KIAA1217: variants seen among roughly 807,000 people sequenced by gnomAD.
The protein encoded by KIAA1217 is KIAA1217, also known as sickle tail protein homolog.
Under a neutral mutation model 163.9 loss-of-function variants are expected in KIAA1217, and 88 were observed. That is an observed-to-expected ratio of 0.54 (90% CI 0.45 to 0.64). KIAA1217 has a LOEUF of 0.64. KIAA1217 is among the 30% of genes least tolerant of loss of function. The pLI is 0.00. For synonymous variants in KIAA1217, 903 were observed against 923.1 expected, an observed-to-expected ratio of 0.98 and a Z score of 0.39; for missense variants, 2,372 against 2,475.0, an observed-to-expected ratio of 0.96 and a Z score of 0.88.
intron 2 of KIAA1217, among the ~76,000 whole-genome samples, chr10:24,028,659 T>C (rs941722650): frequency 6.6e-6 from 1 of 152,186 alleles, no homozygotes; most frequent in Non-Finnish European, 1.5e-5. Context: ...AAATGTATTA[T>C]TGCTTAAGCT....
chr10:24,450,384 TAAC>T (rs2061295753), intron 5 of KIAA1217, among the ~76,000 whole-genome samples: 1 of 152,258 alleles, frequency 6.6e-6, no homozygotes, highest in African/African-American at 2.4e-5. Flanking sequence ...AAGCTTGATA[TAAC>T]AAATCTCTTA....
intron 1 of KIAA1217, among the ~76,000 whole-genome samples, chr10:23,715,858 A>G (rs1190999635): frequency 6.6e-6 from 1 of 152,212 alleles, no homozygotes; most frequent in Non-Finnish European, 1.5e-5. Context: ...GATAAATGTC[A>G]TTACTCAGTT....
intron 6 of KIAA1217, among the ~76,000 whole-genome samples, chr10:24,490,171 A>T (rs2065932962): frequency 6.6e-6 from 1 of 152,212 alleles, no homozygotes; most frequent in Non-Finnish European, 1.5e-5. Context: ...TGACTAGTTA[A>T]CCATATACAC....
At chr10:24,123,740 C>G (rs1358940148) in intron 2 of KIAA1217, among the ~76,000 whole-genome samples, 1 of 152,120 alleles carries the variant, frequency 6.6e-6, no homozygotes, top group Non-Finnish European at 1.5e-5. Context: ...CCCCAGGTGA[C>G]TGTAACATAA....
chr10:24,145,931 C>T (rs935164764), intron 2 of KIAA1217, among the ~76,000 whole-genome samples: 4 of 152,204 alleles, frequency 2.6e-5, no homozygotes, highest in Admixed American at 6.5e-5. Context: ...GAGGGTGGTT[C>T]TGCCTCTCCC....
At position 23,961,485 on chromosome 10, in the gene KIAA1217, C is replaced by T. The variant is rs895367297; in HGVS notation, c.-320-45740C>T. Among the ~76,000 whole-genome samples the T allele has an allele frequency of 1.3e-4, 20 of 152,272 alleles. No individual in the cohort carries two copies. In the South Asian group the frequency reaches 2.5e-3, roughly 19 times the overall value. ...CTATAACTGTAGAAAAATTATTTTG[C>T]AAGCCCTGCATTCAGAGGTGTCTCT... On this transcript the variant is annotated intron_variant, in intron 1 of 18. Transcript: ENST00000376462.
chr10:24,299,460 C>G (rs2041030748), intron 2 of KIAA1217, among the ~76,000 whole-genome samples: 1 of 152,068 alleles, frequency 6.6e-6, no homozygotes, highest in African/African-American at 2.4e-5. Flanking sequence ...TGCCCAGGCT[C>G]TGATCGTAGC....
intron 2 of KIAA1217, among the ~76,000 whole-genome samples, chr10:24,020,650 G>A (rs907565087): frequency 2.6e-5 from 4 of 151,950 alleles, no homozygotes; most frequent in African/African-American, 9.7e-5. Flanking sequence ...AAGCCTTATC[G>A]CTTGAGGTGT....
At chr10:23,881,812 G>T (rs545815404) in intron 1 of KIAA1217, among the ~76,000 whole-genome samples, 2 of 151,868 alleles carry the variant, frequency 1.3e-5, no homozygotes, top group African/African-American at 4.8e-5. Flanking sequence ...AACCTGGCAT[G>T]GTGGGTCCAT....
At chr10:24,275,052 C>G (rs776987347) in intron 2 of KIAA1217, among the ~76,000 whole-genome samples, 8 of 152,156 alleles carry the variant, frequency 5.3e-5, no homozygotes, top group Non-Finnish European at 1.0e-4. Context: ...ATCTTCCCAC[C>G]TCAGCCTCCC....
At chr10:24,203,871 C>T (rs141098369), upstream of KIAA1217, among the ~76,000 whole-genome samples, 24 of 152,330 alleles carry the variant, frequency 1.6e-4, no homozygotes, top group East Asian at 4.4e-3. Context: ...GGAATCCAGA[C>T]TTTGTCTGCA....
intron 2 of KIAA1217, among the ~76,000 whole-genome samples, chr10:24,240,596 G>C (rs2072951604): frequency 6.6e-6 from 1 of 152,178 alleles, no homozygotes; most frequent in African/African-American, 2.4e-5. Flanking sequence ...CTTAGTGGCT[G>C]TATAACTAGA....
Position 24,546,222 on chromosome 10 carries a change from C to G in KIAA1217, c.5730C>G (p.Ala1910=). 6.2e-7 allele frequency: 1 copy of G among 1,614,184 alleles called. No homozygotes were observed. Among genetic ancestry groups the G allele is most frequent in the Non-Finnish European group, 8.5e-7 (1 of 1,180,034 alleles). ...PASSVSLNQG[A]KGTRTIHTPS... is the part of the protein sequence containing the mutation. ...CCTCCGTCTCACTGAATCAAGGTGC[C>G]AAGGGCACCAGGACCATCCATACTC... The change falls in exon 21 of 21, where the codon GCC becomes GCG. Residue 1910 remains alanine, a synonymous_variant. Coordinates refer to ENST00000376454, the MANE Select transcript of KIAA1217 (RefSeq NM_019590.5).
At chr10:24,341,400 A>C (rs1434140530) in intron 2 of KIAA1217, among the ~76,000 whole-genome samples, 1 of 152,002 alleles carries the variant, frequency 6.6e-6, no homozygotes, top group South Asian at 2.1e-4. Flanking sequence ...AAAAGACCTC[A>C]TGAATTGTTT....
intron 2 of KIAA1217, among the ~76,000 whole-genome samples, chr10:24,134,459 T>C (rs757102876): frequency 1.2e-4 from 19 of 152,184 alleles, no homozygotes; most frequent in Non-Finnish European, 2.8e-4. Context: ...AGGCAAGGTA[T>C]CTGGGACTAG....
At chr10:24,077,427 T>C (rs915288321) in intron 2 of KIAA1217, among the ~76,000 whole-genome samples, 1 of 152,178 alleles carries the variant, frequency 6.6e-6, no homozygotes, top group Non-Finnish European at 1.5e-5. Context: ...TGAAAACATA[T>C]GGTATTTTAC....
intron 5 of KIAA1217, among the ~76,000 whole-genome samples, chr10:24,444,462 T>G (rs984961337): frequency 2.6e-5 from 4 of 152,188 alleles, no homozygotes; most frequent in Non-Finnish European, 2.9e-5. Context: ...TTATAATCAT[T>G]TAGCTGTGTG....
chr10:23,907,508 G>A (rs574697201), intron 1 of KIAA1217, among the ~76,000 whole-genome samples: 1 of 152,222 alleles, frequency 6.6e-6, no homozygotes, highest in East Asian at 1.9e-4. Context: ...GAAGGTCTGA[G>A]AACCAGAAGA....
rs74620648 is a variant in KIAA1217 at position 24,125,987 on chromosome 10, C to T, written c.-170-93639C>T. Among the ~76,000 whole-genome samples the T allele has an allele frequency of 3.6e-3, 554 of 152,204 alleles. 6 individuals carry two copies. The highest frequency in any genetic ancestry group is 0.012 in the East Asian group (63 of 5,188). On this transcript the variant is annotated intron_variant, in intron 2 of 18. Coordinates refer to the KIAA1217 transcript ENST00000376462. ...TTTAAGATCTCTTTTGTCTTTGTTT[C>T]GTTCTGCAGTTTCTGCTACAATGTA...
Sources: gnomAD v4.1 joint callset for allele counts (sites outside exome capture counted in the v4.1 genomes callset) on GRCh38, gnomAD v4.1.1 for gene constraint, MANE v1.5 for transcripts, NCBI Gene and HGNC (gene_info 2026-07-23, HGNC 2026-07-21) for gene names.